The following CMIP variants were observed in gnomAD, a reference collection of about 807,000 sequenced individuals.
CMIP encodes C-Maf-inducing protein.
A neutral mutation model predicts 97.3 loss-of-function variants in CMIP; 13 were observed. That is an observed-to-expected ratio of 0.13 (90% CI 0.09 to 0.21). The LOEUF is 0.21. Among genes scored for constraint, CMIP ranks in the 10% least tolerant of loss-of-function variants. The pLI, the probability that CMIP is intolerant of heterozygous loss-of-function variation, is 1.00. For synonymous variants in CMIP, 538 were observed against 436.3 expected (o/e 1.23, Z -2.91); for missense variants, 847 against 1,024.9 (o/e 0.83, Z 2.37).
At chr16:81,544,821 G>A (rs2090515069) in intron 1 of CMIP, among the ~76,000 whole-genome samples, 1 of 152,012 alleles carries the variant, frequency 6.6e-6, no homozygotes, top group South Asian at 2.1e-4. Flanking sequence ...ATGTGTGTAT[G>A]CCATGTGTGT....
At chr16:81,460,581 T>G (rs879328129) in intron 1 of CMIP, among the ~76,000 whole-genome samples, 3 of 152,158 alleles carry the variant, frequency 2.0e-5, no homozygotes, top group Non-Finnish European at 4.4e-5. Context: ...AAAACCATCT[T>G]TTGTGCTTCC....
chr16:81,618,774 G>T (rs2150958363), intron 2 of CMIP: 1 of 152,432 alleles, frequency 6.6e-6, no homozygotes, highest in Admixed American at 6.5e-5. Context: ...TATCAGCACA[G>T]ACCTGGCCGT....
At chr16:81,620,561 C>G (rs114124078) in intron 2 of CMIP, 65 of 302,830 alleles carry the variant, frequency 2.1e-4, no homozygotes, top group African/African-American at 1.3e-3. Flanking sequence ...CCCATTCCCT[C>G]CCATGCCCCT....
intron 1 of CMIP, among the ~76,000 whole-genome samples, chr16:81,596,717 A>G (rs1170607915): frequency 2.0e-4 from 31 of 152,108 alleles, no homozygotes; most frequent in Non-Finnish European, 1.8e-4. Flanking sequence ...AGTAGGATCA[A>G]CACCATGTCC....
chr16:81,670,526 T>C (rs1334075406), intron 8 of CMIP, among the ~76,000 whole-genome samples: 1 of 149,298 alleles, frequency 6.7e-6, no homozygotes, highest in Non-Finnish European at 1.5e-5. Context: ...GTCGGGTGCT[T>C]GAACAATCAC....
intron 14 of CMIP, 26 bp from the exon 15 acceptor site, chr16:81,699,659 T>A (rs780653042): frequency 1.3e-6 from 2 of 1,501,764 alleles, no homozygotes; most frequent in South Asian, 2.3e-5. Context: ...TCTCTGTCCC[T>A]TCACCTGGGC....
chr16:81,515,403 C>T (rs778826156), intron 1 of CMIP, among the ~76,000 whole-genome samples: 12 of 152,076 alleles, frequency 7.9e-5, no homozygotes, highest in Non-Finnish European at 1.5e-4. Flanking sequence ...ACGTGTGTGG[C>T]GATGTAAGGA....
chr16:81,669,386 A>G lies in CMIP; in HGVS notation c.826-756A>G, dbSNP rs188762421. ...CACACCCACCTCACCTTCCACACCC[A>G]CCTCTCACACTCACCTCCTTCCACA... On this transcript the variant is annotated intron_variant, in intron 7 of 20. Coordinates refer to ENST00000537098, the MANE Select transcript of CMIP (RefSeq NM_198390.3). Among the ~76,000 whole-genome samples the G allele has an allele frequency of 1.4e-3, 74 of 54,656 alleles. 7 individuals are homozygous for G. The Admixed American group carries it at 0.014, about 11-fold the overall frequency. The allele number at this position is 54,656 out of a possible 152,430, so 35.9% of individuals were successfully genotyped here.
intron 7 of CMIP, chr16:81,664,811 A>C: frequency 3.4e-6 from 1 of 294,214 alleles, no homozygotes; most frequent in Non-Finnish European, 6.2e-6. Context: ...CATCGACAAC[A>C]ACAAGCCAGT....
In CMIP at chr16:81,495,457, G is replaced by A. The variant is rs368168365; in HGVS notation, c.300+49916G>A. On this transcript the variant is annotated intron_variant, in intron 1 of 20. Transcript: ENST00000537098. Reference sequence around the variant, plus strand: ...GCGAGGAGGGAAGTTACAGATCTCCGCCCTGGCGTCCGGGGAAGGATGGGA... The same window carrying A: ...GCGAGGAGGGAAGTTACAGATCTCCACCCTGGCGTCCGGGGAAGGATGGGA... The A allele has an allele frequency of 2.3e-5, 37 of 1,612,092 alleles. No individual in the cohort carries two copies. The Middle Eastern group carries it at 6.6e-4, about 29-fold the overall frequency.
chr16:81,658,863 C>T (rs1284910686), intron 5 of CMIP, among the ~76,000 whole-genome samples: 1 of 152,234 alleles, frequency 6.6e-6, no homozygotes, highest in Non-Finnish European at 1.5e-5. Flanking sequence ...CCTCACGCTC[C>T]TCTAGCCGAA....
intron 1 of CMIP, among the ~76,000 whole-genome samples, chr16:81,545,381 A>C (rs1484278122): frequency 2.0e-5 from 3 of 152,252 alleles, no homozygotes; most frequent in Non-Finnish European, 4.4e-5. Context: ...GTGAAGGAGC[A>C]GAAGCTTAGG....
At chr16:81,487,729 G>A (rs1017546027) in intron 1 of CMIP, among the ~76,000 whole-genome samples, 2 of 152,346 alleles carry the variant, frequency 1.3e-5, no homozygotes, top group East Asian at 3.9e-4. Context: ...CACAGGGTCT[G>A]TGTGAGGATT....
intron 1 of CMIP, among the ~76,000 whole-genome samples, chr16:81,581,429 T>A (rs1306436168): frequency 6.6e-6 from 1 of 152,202 alleles, no homozygotes; most frequent in Non-Finnish European, 1.5e-5. Flanking sequence ...TACAACAGGT[T>A]ACTCTACTGA....
intron 3 of CMIP, among the ~76,000 whole-genome samples, chr16:81,645,008 G>A (rs368458710): frequency 5.3e-5 from 8 of 152,340 alleles, no homozygotes; most frequent in East Asian, 1.9e-4. Context: ...AGCACTGCCC[G>A]ACGGAGCATT....
intron 3 of CMIP, among the ~76,000 whole-genome samples, chr16:81,634,952 T>G (rs552968316): frequency 2.6e-5 from 4 of 152,290 alleles, no homozygotes; most frequent in African/African-American, 9.6e-5. Flanking sequence ...AAATCCTTAT[T>G]TGGGATAGAG....
In CMIP at chr16:81,499,325, T is replaced by A. The variant is rs112707094; in HGVS notation, c.300+53784T>A. The stretch of plus-strand genomic sequence containing the variant: ...GAAGGACACTCGGCACACATACTTG[T>A]CTCTGCACACACACACCACTTGCAC... On this transcript the variant is annotated intron_variant, in intron 1 of 20. Transcript: ENST00000537098. 2.4e-4 allele frequency among the ~76,000 whole-genome samples: 37 copies of A among 152,272 alleles called. 1 individual carries two copies. Among genetic ancestry groups the A allele is most frequent in the African/African-American group, 8.7e-4 (36 of 41,556 alleles).
At chr16:81,529,302 C>T (rs1471249260) in intron 1 of CMIP, among the ~76,000 whole-genome samples, 1 of 152,040 alleles carries the variant, frequency 6.6e-6, no homozygotes, top group Non-Finnish European at 1.5e-5. Context: ...CACATGGTTT[C>T]TCAGATGGTA....
At chr16:81,482,514 A>G (rs1219994138) in intron 1 of CMIP, among the ~76,000 whole-genome samples, 1 of 152,016 alleles carries the variant, frequency 6.6e-6, no homozygotes, top group Non-Finnish European at 1.5e-5. Flanking sequence ...GCAGACTGGG[A>G]GTTGGTCACC....
Sources: allele counts gnomAD v4.1 joint callset (sites outside exome capture counted in the v4.1 genomes callset), GRCh38; gene constraint gnomAD v4.1.1; transcripts MANE v1.5; gene names NCBI Gene and HGNC (gene_info 2026-07-23, HGNC 2026-07-21).